The following ASIC4 variants were observed in gnomAD, a reference collection of about 807,000 sequenced individuals.
ASIC4 encodes acid-sensing ion channel 4.
ASIC4 carries 28 observed loss-of-function variants against 53.4 expected under a neutral mutation model. That is an observed-to-expected ratio of 0.52 (90% CI 0.39 to 0.72). ASIC4 has a LOEUF of 0.72. Among genes scored for constraint, ASIC4 ranks in the 30% least tolerant of loss-of-function variants. ASIC4 has a pLI of 0.00. For synonymous variants in ASIC4, 289 were observed against 301.4 expected (o/e 0.96, Z 0.43); for missense variants, 649 against 729.7 (o/e 0.89, Z 1.27).
At chr2:219,526,980 G>A (rs1694971137) in intron 1 of ASIC4, among the ~76,000 whole-genome samples, 1 of 152,288 alleles carries the variant, frequency 6.6e-6, no homozygotes, top group African/African-American at 2.4e-5. Flanking sequence ...TCTGCCATCA[G>A]GACACTCCCT....
At chr2:219,513,182 C>G (rs975497531), upstream of ASIC4, among the ~76,000 whole-genome samples, 1 of 152,148 alleles carries the variant, frequency 6.6e-6, no homozygotes, top group Non-Finnish European at 1.5e-5. Context: ...CACCTCCCCC[C>G]GCCCGTCCAC....
chr2:219,510,094 C>A (rs914111311), upstream of ASIC4, among the ~76,000 whole-genome samples: 1 of 152,022 alleles, frequency 6.6e-6, no homozygotes, highest in African/African-American at 2.4e-5. The surrounding 1 kb of genome is among the most constrained non-coding windows in gnomAD (Gnocchi z 5.2). Flanking sequence ...CGTCGATGAC[C>A]ACCTCTTGGC....
chr2:219,531,726 C>A, intron 1 of ASIC4, 32 bp from the exon 2 acceptor site: 1 of 1,542,564 alleles, frequency 6.5e-7, no homozygotes, highest in Non-Finnish European at 8.7e-7. Context: ...CTCCTTTCAT[C>A]TCCCCTCCTG....
chr2:219,509,948 G>C (rs1284305871), upstream of ASIC4, among the ~76,000 whole-genome samples: 2 of 151,728 alleles, frequency 1.3e-5, no homozygotes, highest in African/African-American at 4.8e-5. The surrounding 1 kb of genome is among the most constrained non-coding windows in gnomAD (Gnocchi z 5.2). Context: ...GCCCGTTCTC[G>C]ATCCTCGGTA....
At chr2:219,527,970 G>C (rs1694984716) in intron 1 of ASIC4, among the ~76,000 whole-genome samples, 1 of 152,272 alleles carries the variant, frequency 6.6e-6, no homozygotes, top group African/African-American at 2.4e-5. Flanking sequence ...GTGCCTGGCA[G>C]TCAGGGCTCC....
chr2:219,533,636 G>T, intron 5 of ASIC4: 1 of 154,296 alleles, frequency 6.5e-6, no homozygotes, highest in Non-Finnish European at 1.4e-5. Context: ...GTGCAAAGGG[G>T]GACATACACT....
chr2:219,532,825 C>T (rs972325098), intron 4 of ASIC4, 58 bp from the exon 5 acceptor site: 19 of 1,504,752 alleles, frequency 1.3e-5, no homozygotes, highest in Middle Eastern at 1.7e-4. Flanking sequence ...TACATTTGGG[C>T]GTGTGGGGGA....
rs1341781181 is a variant in ASIC4, at chr2:219,537,488, G to A, written c.1402-144G>A. 1.9e-6 allele frequency: 2 copies of A among 1,046,018 alleles called. No homozygotes were observed. Among genetic ancestry groups the A allele is most frequent in the South Asian group, 3.0e-5 (2 of 65,626 alleles). The allele number at this position is 1,046,018 out of a possible 1,614,324, so 64.8% of individuals were successfully genotyped here. A position where few individuals can be genotyped will look rare whatever the true frequency, so the allele number is the denominator to read the frequency against. ...GCCTGAGGGCTCAGAGTCAGGAGAAGGGGATGGGTGAGGAGGAGGAGGGTG... is the reference window on the plus strand; with the variant it reads ...GCCTGAGGGCTCAGAGTCAGGAGAAAGGGATGGGTGAGGAGGAGGAGGGTG... On this transcript the variant is annotated intron_variant, in intron 8 of 9. Transcript: ENST00000358078. This position sits in a 1 kb window ranked among gnomAD's most constrained non-coding sequence, Gnocchi z 4.9.
intron 1 of ASIC4, among the ~76,000 whole-genome samples, chr2:219,520,170 G>A (rs545966292): frequency 7.9e-5 from 12 of 151,442 alleles, no homozygotes; most frequent in African/African-American, 2.9e-4. Flanking sequence ...TCCCCCTCCC[G>A]ACCCTCCTTC....
intron 4 of ASIC4, 73 bp downstream of exon 4, chr2:219,532,550 G>A: frequency 6.5e-7 from 1 of 1,549,224 alleles, no homozygotes; most frequent in East Asian, 2.3e-5. Context: ...GCAAGGCACT[G>A]CTCATGTGCA....
chr2:219,521,095 G>A (rs1265085414), intron 1 of ASIC4, among the ~76,000 whole-genome samples: 1 of 152,234 alleles, frequency 6.6e-6, no homozygotes, highest in African/African-American at 2.4e-5. Flanking sequence ...TCCTGGAGGG[G>A]TGCTGTCAGC....
intron 1 of ASIC4, among the ~76,000 whole-genome samples, chr2:219,525,385 T>A (rs1380196426): frequency 1.3e-5 from 2 of 152,252 alleles, no homozygotes; most frequent in Non-Finnish European, 2.9e-5. Context: ...TAAATCACTT[T>A]ACTAACCTAA....
chr2:219,530,325 T>G (rs970889029), intron 1 of ASIC4, among the ~76,000 whole-genome samples: 1 of 152,250 alleles, frequency 6.6e-6, no homozygotes, highest in African/African-American at 2.4e-5. Context: ...GAGCCTGGGC[T>G]TCCATCTCCG....
rs1372994070 is a variant in ASIC4 at position 219,538,284 on chromosome 2, T to C, written c.*238T>C. 8 of 527,892 alleles carry C rather than the reference T, an allele frequency of 1.5e-5. No individual in the cohort carries two copies. The highest frequency in any genetic ancestry group is 2.7e-5 in the Non-Finnish European group (8 of 298,320). 32.7% of individuals were successfully genotyped at this position (527,892 alleles called of 1,614,324 possible). A position where few individuals can be genotyped will look rare whatever the true frequency, so the allele number is the denominator to read the frequency against. On this transcript the variant is annotated 3_prime_UTR_variant, in exon 10 of 10. Coordinates refer to ENST00000358078, the MANE Select transcript of ASIC4 (RefSeq NM_018674.6). Reference sequence around the variant, plus strand: ...GGGCTGGAGACCAGGCCATGGGCCCTCACGGAGAGGAAGGGAAGGAAGGAG... The same window carrying C: ...GGGCTGGAGACCAGGCCATGGGCCCCCACGGAGAGGAAGGGAAGGAAGGAG...
At chr2:219,533,267 A>G (rs942266264) in intron 5 of ASIC4, 4 of 462,044 alleles carry the variant, frequency 8.7e-6, no homozygotes, top group Non-Finnish European at 1.6e-5. Flanking sequence ...TCTCAGGAAA[A>G]ATGCATTGCT....
upstream of ASIC4, among the ~76,000 whole-genome samples, chr2:219,513,471 C>A (rs530312356): frequency 2.6e-5 from 4 of 152,236 alleles, no homozygotes; most frequent in South Asian, 6.2e-4. Flanking sequence ...CTCTGCCAGG[C>A]ACCCCTCAAA....
chr2:219,511,764 G>T (rs749484891), upstream of ASIC4, among the ~76,000 whole-genome samples: 3 of 152,190 alleles, frequency 2.0e-5, no homozygotes, highest in East Asian at 3.9e-4. This position sits in a 1 kb window ranked among gnomAD's most constrained non-coding sequence, Gnocchi z 5.3. Context: ...GGGCCGGGGT[G>T]GGGGTGGGGA....
In ASIC4 at chr2:219,531,744, AC is replaced by A; in HGVS notation, c.583-10del. On this transcript the variant is annotated splice_polypyrimidine_tract_variant and intron_variant, in intron 1 of 9. Coordinates refer to ENST00000358078, the MANE Select transcript of ASIC4 (RefSeq NM_018674.6). ...CTTTCATCTCCCCTCCTGCTCTCTC[AC>A]CCCACCTCCCAGGTCTATACTCGCT... 1 of 1,561,668 alleles carries A rather than the reference AC, an allele frequency of 6.4e-7. No individual in the cohort carries two copies. Among genetic ancestry groups the A allele is most frequent in the Non-Finnish European group, 8.7e-7 (1 of 1,153,370 alleles).
upstream of ASIC4, among the ~76,000 whole-genome samples, chr2:219,513,163 C>T (rs1271785149): frequency 6.6e-6 from 1 of 152,144 alleles, no homozygotes; most frequent in East Asian, 1.9e-4. Context: ...CGGCTTGGAT[C>T]GATGGAGCCA....
Sources: gnomAD v4.1 joint callset for allele counts (sites outside exome capture counted in the v4.1 genomes callset) on GRCh38, gnomAD v4.1.1 for gene constraint, Gnocchi (gnomAD v3.1) non-coding constraint, MANE v1.5 for transcripts, NCBI Gene and HGNC (gene_info 2026-07-23, HGNC 2026-07-21) for gene names.